SUMF1: variants seen among roughly 807,000 people sequenced by gnomAD.
SUMF1 encodes the protein formylglycine-generating enzyme.
Under a neutral mutation model 47.6 loss-of-function variants are expected in SUMF1, and 48 were observed. The observed-to-expected ratio is 1.01, with a 90% CI of 0.80 to 1.28. SUMF1 has a LOEUF of 1.28. Among genes scored for constraint, SUMF1 ranks in the 50% most tolerant of loss-of-function variants. The probability of loss-of-function intolerance (pLI) is 0.00; values close to 1 mark genes in which losing one functional copy is unlikely to be tolerated. For synonymous variants in SUMF1, 230 were observed against 192.1 expected (o/e 1.20, Z -1.63); for missense variants, 571 against 485.4 (o/e 1.18, Z -1.66).
intron 8 of SUMF1, among the ~76,000 whole-genome samples, chr3:4,315,498 C>G (rs1698600409): frequency 6.6e-6 from 1 of 152,074 alleles, no homozygotes; most frequent in Non-Finnish European, 1.5e-5. Context: ...AATATGGACC[C>G]CTGGAAATTT....
At chr3:4,178,493 C>T (rs897123921) in intron 8 of SUMF1, among the ~76,000 whole-genome samples, 9 of 152,134 alleles carry the variant, frequency 5.9e-5, no homozygotes, top group Non-Finnish European at 1.2e-4. Flanking sequence ...TTCAACAGCC[C>T]TTCATGCTAA....
intron 8 of SUMF1, among the ~76,000 whole-genome samples, chr3:4,343,926 G>A (rs557603042): frequency 1.3e-5 from 2 of 152,290 alleles, no homozygotes; most frequent in South Asian, 4.1e-4. Context: ...GTAGGGAAAT[G>A]CTTAAATAAA....
chr3:4,126,558 T>G (rs1408972502), intron 8 of SUMF1, among the ~76,000 whole-genome samples: 1 of 152,086 alleles, frequency 6.6e-6, no homozygotes, highest in Admixed American at 6.6e-5. Context: ...CCTTTGATTG[T>G]TAGAAGCAGA....
intron 8 of SUMF1, among the ~76,000 whole-genome samples, chr3:4,285,136 C>A (rs1360280262): frequency 6.6e-6 from 1 of 152,148 alleles, no homozygotes; most frequent in East Asian, 1.9e-4. Flanking sequence ...TTTCATAATT[C>A]TTGGGTACAA....
intron 8 of SUMF1, among the ~76,000 whole-genome samples, chr3:4,226,109 C>T (rs990770836): frequency 5.9e-5 from 9 of 151,978 alleles, no homozygotes; most frequent in South Asian, 2.1e-4. Flanking sequence ...TCTACCCGCT[C>T]GCCATTTATA....
intron 8 of SUMF1, among the ~76,000 whole-genome samples, chr3:4,202,095 CTTT>C (rs1002763383): frequency 1.3e-5 from 2 of 151,940 alleles, no homozygotes; most frequent in African/African-American, 4.8e-5. Context: ...TGTACAGAAG[CTTT>C]TTAACTTTAT....
intron 8 of SUMF1, among the ~76,000 whole-genome samples, chr3:4,288,269 G>A (rs1697674676): frequency 6.6e-6 from 1 of 152,138 alleles, no homozygotes; most frequent in African/African-American, 2.4e-5. Context: ...AAAAAACTAT[G>A]CATGGACAGA....
At chr3:4,228,710 A>C (rs1210231221) in intron 8 of SUMF1, among the ~76,000 whole-genome samples, 1 of 152,070 alleles carries the variant, frequency 6.6e-6, no homozygotes, top group Non-Finnish European at 1.5e-5. Context: ...AATCCTAAAA[A>C]CCACACTGTA....
intron 8 of SUMF1, among the ~76,000 whole-genome samples, chr3:4,337,838 G>C (rs1488059415): frequency 6.6e-6 from 1 of 151,372 alleles, no homozygotes; most frequent in African/African-American, 2.4e-5. Context: ...TTGCCAATCT[G>C]TATCTCCTAC....
intron 8 of SUMF1, among the ~76,000 whole-genome samples, chr3:4,345,007 C>G (rs942927249): frequency 6.6e-6 from 1 of 152,046 alleles, no homozygotes. Context: ...AAGGAATGAA[C>G]AAAGCCTCCA....
chr3:4,137,319 G>T (rs1013920867), intron 8 of SUMF1, among the ~76,000 whole-genome samples: 14 of 152,112 alleles, frequency 9.2e-5, no homozygotes, highest in African/African-American at 3.4e-4. Flanking sequence ...CACGTCCTTT[G>T]TAGGGACATG....
chr3:4,451,298 A>G (rs959649666), intron 2 of SUMF1, among the ~76,000 whole-genome samples: 1 of 152,200 alleles, frequency 6.6e-6, no homozygotes, highest in Non-Finnish European at 1.5e-5. Flanking sequence ...ATGATTAAAA[A>G]TGTCTGTGAT....
At chr3:4,209,340 C>T (rs1203955442) in intron 8 of SUMF1, among the ~76,000 whole-genome samples, 1 of 152,094 alleles carries the variant, frequency 6.6e-6, no homozygotes, top group Non-Finnish European at 1.5e-5. Context: ...GAGAACAAAA[C>T]ACTAACTGAA....
intron 8 of SUMF1, among the ~76,000 whole-genome samples, chr3:4,344,990 G>C (rs1051213754): frequency 3.9e-5 from 6 of 152,050 alleles, no homozygotes; most frequent in Admixed American, 6.6e-5. Flanking sequence ...GAGAAAAAAA[G>C]AGTGAAAAGG....
At chr3:4,303,937 C>T in intron 8 of SUMF1, 1 of 1,131,042 alleles carries the variant, frequency 8.8e-7, no homozygotes, top group Non-Finnish European at 1.1e-6. Flanking sequence ...CCCCTCGAGT[C>T]AGCCTTAGCT....
At chr3:4,250,430 G>T (rs1441622545) in intron 8 of SUMF1, among the ~76,000 whole-genome samples, 1 of 152,156 alleles carries the variant, frequency 6.6e-6, no homozygotes, top group Non-Finnish European at 1.5e-5. Flanking sequence ...AGTGCAAGGT[G>T]AAGAAGCAAG....
Position 4,200,256 on chromosome 3 carries a change from A to T in SUMF1, c.1015-131511T>A, listed in dbSNP as rs111935790. Reference sequence around the variant, plus strand: ...CTTGACGGGATTAAGGGATACCTAGATAGCTGGTGAAGCATTATTTCTGGG... The same window carrying T: ...CTTGACGGGATTAAGGGATACCTAGTTAGCTGGTGAAGCATTATTTCTGGG... On this transcript the variant is annotated intron_variant and NMD_transcript_variant, in intron 8 of 12. Coordinates refer to the SUMF1 transcript ENST00000448413. Among the ~76,000 whole-genome samples the T allele has an allele frequency of 2.3e-4, 34 of 150,692 alleles. 2 individuals carry two copies. The highest frequency in any genetic ancestry group is 8.1e-4 in the African/African-American group (33 of 40,958).
intron 8 of SUMF1, among the ~76,000 whole-genome samples, chr3:4,072,301 C>T (rs1649233772): frequency 6.6e-6 from 1 of 152,108 alleles, no homozygotes; most frequent in Admixed American, 6.6e-5. Flanking sequence ...ACAAAAAGGA[C>T]ATCCACACCA....
At chr3:4,161,349 G>T (rs1312459817) in intron 8 of SUMF1, among the ~76,000 whole-genome samples, 1 of 152,234 alleles carries the variant, frequency 6.6e-6, no homozygotes, top group East Asian at 1.9e-4. Context: ...CAATCAGCAG[G>T]TGGGAAAGCC....
Sources: gnomAD v4.1 joint callset for allele counts (sites outside exome capture counted in the v4.1 genomes callset) on GRCh38, gnomAD v4.1.1 for gene constraint, MANE v1.5 for transcripts, NCBI Gene and HGNC (gene_info 2026-07-23, HGNC 2026-07-21) for gene names.